The following BLM variants were observed in gnomAD, a reference collection of about 807,000 sequenced individuals.
The protein encoded by BLM is recQ-like DNA helicase BLM.
In BLM, 95 loss-of-function variants were observed where a neutral mutation model predicts 135.3. That is an observed-to-expected ratio of 0.70 (90% CI 0.59 to 0.83). The LOEUF is 0.83. Among genes scored for constraint, BLM ranks in the 40% least tolerant of loss-of-function variants. The pLI, the probability that BLM is intolerant of heterozygous loss-of-function variation, is 0.00. For missense variants in BLM, 1,518 were observed against 1,663.9 expected, an observed-to-expected ratio of 0.91 and a Z score of 1.53; for synonymous variants, 520 against 589.2, an observed-to-expected ratio of 0.88 and a Z score of 1.70.
At chr15:90,805,321 A>G (rs1897264519) in intron 19 of BLM, among the ~76,000 whole-genome samples, 1 of 152,102 alleles carries the variant, frequency 6.6e-6, no homozygotes, top group Non-Finnish European at 1.5e-5. Flanking sequence ...AATACATATA[A>G]TCAAAGTAAA....
rs192933635 is a variant in BLM at position 90,799,080 on chromosome 15, G to A, written c.3358+743G>A. On this transcript the variant is annotated intron_variant, in intron 17 of 21. Coordinates refer to ENST00000355112, the MANE Select transcript of BLM (RefSeq NM_000057.4). ...CTCGGGAGGCTGAGGCAGGAGAATC[G>A]CTTGAACCTGGGAGGTGGAGGTTGC... 2.1e-3 allele frequency among the ~76,000 whole-genome samples: 312 copies of A among 151,532 alleles called. 2 individuals are homozygous for A. The highest frequency in any genetic ancestry group is 7.3e-3 in the African/African-American group (301 of 41,300).
chr15:90,747,549 G>C, intron 2 of BLM, 59 bp downstream of exon 2: 2 of 1,054,730 alleles, frequency 1.9e-6, no homozygotes, highest in Non-Finnish European at 2.9e-6. Flanking sequence ...TTGTACACAT[G>C]AGATATCTTC....
chr15:90,772,819 T>C (rs1425317735), intron 12 of BLM, among the ~76,000 whole-genome samples: 1 of 151,914 alleles, frequency 6.6e-6, no homozygotes, highest in Non-Finnish European at 1.5e-5. Flanking sequence ...AAGCATAGGT[T>C]GGGCATGGTG....
chr15:90,752,857 CA>C (rs1389277918), intron 4 of BLM, among the ~76,000 whole-genome samples: 2 of 152,136 alleles, frequency 1.3e-5, no homozygotes, highest in African/African-American at 4.8e-5. Context: ...TCTAAACCAG[CA>C]TTCTCATTTA....
intron 12 of BLM, among the ~76,000 whole-genome samples, chr15:90,780,375 GC>G (rs1346831784): frequency 1.3e-5 from 2 of 152,042 alleles, no homozygotes; most frequent in East Asian, 3.9e-4. Context: ...GAGCCACCGC[GC>G]CCGTCCAGGA....
chr15:90,747,795 G>GTTTGTTTTGTTTTGT (rs202233090), intron 2 of BLM: 1 of 327,934 alleles, frequency 3.0e-6, no homozygotes, highest in African/African-American at 2.2e-5. Context: ...GGGTTTTTTT[G>GTTTGTTTTGTTTTGT]TTTGTTTTGT....
chr15:90,728,760 G>A (rs997220315), intron 1 of BLM, among the ~76,000 whole-genome samples: 1 of 151,948 alleles, frequency 6.6e-6, no homozygotes, highest in South Asian at 2.1e-4. Context: ...TTTATTTTTT[G>A]TTTATTGATG....
intron 14 of BLM, 119 bp from the exon 15 acceptor site, chr15:90,790,530 G>A (rs1179497257): frequency 3.2e-6 from 3 of 928,898 alleles, no homozygotes; most frequent in Non-Finnish European, 5.2e-6. Flanking sequence ...ATATTAGGTT[G>A]TTATGTAGTG....
intron 4 of BLM, among the ~76,000 whole-genome samples, chr15:90,753,081 ACTG>A (rs1440415845): frequency 6.6e-6 from 1 of 152,222 alleles, no homozygotes; most frequent in Non-Finnish European, 1.5e-5. Context: ...AGGAAGGAGC[ACTG>A]CTGGGTGCGG....
At chr15:90,719,815 G>A (rs774905083) in intron 1 of BLM, among the ~76,000 whole-genome samples, 3 of 152,146 alleles carry the variant, frequency 2.0e-5, no homozygotes, top group Non-Finnish European at 2.9e-5. Flanking sequence ...CAAGATAATC[G>A]TAGAATAATC....
At chr15:90,729,195 A>G (rs1265800469) in intron 1 of BLM, among the ~76,000 whole-genome samples, 1 of 152,140 alleles carries the variant, frequency 6.6e-6, no homozygotes, top group Non-Finnish European at 1.5e-5. Context: ...TTGTAATCCC[A>G]GCTACTCAGG....
At position 90,721,487 on chromosome 15, in the gene BLM, C is replaced by T. The variant is rs571096303; in HGVS notation, c.-5+4047C>T. Among the ~76,000 whole-genome samples, 416 of 152,080 alleles carry T rather than the reference C, an allele frequency of 2.7e-3. 4 individuals are homozygous for T. Among genetic ancestry groups the T allele is most frequent in the Non-Finnish European group, 3.9e-3 (265 of 67,976 alleles). On this transcript the variant is annotated intron_variant, in intron 1 of 21. Coordinates refer to ENST00000355112, the MANE Select transcript of BLM (RefSeq NM_000057.4). ...GATTACAGGCACCCGCCACCACGCC[C>T]GGCTAATTTTTGTATTTTTGGTACA... is the stretch of plus-strand genomic sequence containing the variant.
chr15:90,792,032 G>A (rs1896916643), intron 15 of BLM, among the ~76,000 whole-genome samples: 1 of 151,156 alleles, frequency 6.6e-6, no homozygotes, highest in African/African-American at 2.4e-5. Context: ...TTTCTCCTGG[G>A]TTGTGAGAGT....
chr15:90,719,226 C>T (rs1378935020), intron 1 of BLM, among the ~76,000 whole-genome samples: 2 of 152,088 alleles, frequency 1.3e-5, no homozygotes, highest in Non-Finnish European at 1.5e-5. Context: ...CTCCTGACCT[C>T]GTGATCCGCC....
chr15:90,782,756 T>A, intron 12 of BLM, 66 bp from the exon 13 acceptor site: 1 of 1,238,008 alleles, frequency 8.1e-7, no homozygotes, highest in South Asian at 1.2e-5. Context: ...ACACATGTAG[T>A]CTATAACAAT....
At chr15:90,733,195 G>A (rs1260602680) in intron 1 of BLM, among the ~76,000 whole-genome samples, 1 of 152,170 alleles carries the variant, frequency 6.6e-6, no homozygotes, top group Non-Finnish European at 1.5e-5. Flanking sequence ...ATGGTAAGTG[G>A]TAAGTAACCA....
chr15:90,732,568 A>G (rs1316310498), intron 1 of BLM, among the ~76,000 whole-genome samples: 1 of 151,836 alleles, frequency 6.6e-6, no homozygotes, highest in Non-Finnish European at 1.5e-5. Flanking sequence ...TAACGAAATG[A>G]AAACACAGCA....
chr15:90,728,236 G>A (rs1894968431), intron 1 of BLM, among the ~76,000 whole-genome samples: 1 of 152,066 alleles, frequency 6.6e-6, no homozygotes, highest in Non-Finnish European at 1.5e-5. Context: ...GGGTTTTGCT[G>A]TGTTGCCCAG....
At chr15:90,721,733 C>G (rs930028421) in intron 1 of BLM, among the ~76,000 whole-genome samples, 1 of 151,114 alleles carries the variant, frequency 6.6e-6, no homozygotes, top group African/African-American at 2.4e-5. Context: ...GAGTTCGAGA[C>G]CAGTGTGGCC....
Sources: allele counts gnomAD v4.1 joint callset (sites outside exome capture counted in the v4.1 genomes callset), GRCh38; gene constraint gnomAD v4.1.1; transcripts MANE v1.5; gene names NCBI Gene and HGNC (gene_info 2026-07-23, HGNC 2026-07-21).